HTR2C: variants seen among roughly 807,000 people sequenced by gnomAD.
The protein encoded by HTR2C is 5-hydroxytryptamine receptor 2C.
In HTR2C, 5 loss-of-function variants were observed where a neutral mutation model predicts 21.0. That is an observed-to-expected ratio of 0.24 (90% confidence interval 0.12 to 0.50). HTR2C has a LOEUF of 0.50. Ranked by LOEUF, HTR2C falls within the 20% of genes least tolerant of loss-of-function variation. The pLI is 0.98. For missense variants in HTR2C, 271 were observed against 371.2 expected (o/e 0.73, Z 2.22); for synonymous variants, 150 against 145.3 (o/e 1.03, Z -0.23).
At chrX:114,607,292 AAC>A (rs1246557167) in intron 1 of HTR2C, among the ~76,000 whole-genome samples, 1 of 112,010 alleles carries the variant, frequency 8.9e-6, no homozygotes, top group African/African-American at 3.3e-5. Context: ...TGAAATATCA[AAC>A]ACAATGTTTG....
intron 4 of HTR2C, among the ~76,000 whole-genome samples, chrX:114,795,336 T>A (rs1446099246): frequency 9.0e-6 from 1 of 110,994 alleles, no homozygotes; most frequent in Non-Finnish European, 1.9e-5. Flanking sequence ...CTGATGGTAG[T>A]TTCTTTTGCT....
intron 4 of HTR2C, among the ~76,000 whole-genome samples, chrX:114,759,268 C>T (rs2069842872): frequency 9.0e-6 from 1 of 110,965 alleles, no homozygotes; most frequent in Admixed American, 9.7e-5. Context: ...CCATCTCAAC[C>T]ATCCTCCTTT....
chrX:114,685,936 G>A (rs1385643475), intron 2 of HTR2C, among the ~76,000 whole-genome samples: 1 of 111,018 alleles, frequency 9.0e-6, no homozygotes, highest in African/African-American at 3.3e-5. Context: ...TTTCAGTGAA[G>A]CTTTCATCAT....
At chrX:114,810,318 C>T (rs2070519063) in intron 4 of HTR2C, among the ~76,000 whole-genome samples, 2 of 111,616 alleles carry the variant, frequency 1.8e-5, no homozygotes, top group Non-Finnish European at 3.8e-5. Flanking sequence ...CCCAAGTGCA[C>T]TGGCTCCAAG....
chrX:114,850,183 C>T (rs981187882), intron 5 of HTR2C, among the ~76,000 whole-genome samples: 2 of 110,862 alleles, frequency 1.8e-5, no homozygotes, highest in Admixed American at 9.7e-5. Context: ...CCGATGCAGG[C>T]GGATCACTTG....
chrX:114,748,814 T>C (rs1404221222), intron 4 of HTR2C, among the ~76,000 whole-genome samples: 1 of 111,700 alleles, frequency 9.0e-6, no homozygotes, highest in Admixed American at 9.5e-5. Flanking sequence ...TTTAATGATA[T>C]TGGGTTAGGC....
At position 114,761,859 on chromosome X, in the gene HTR2C, CTA is replaced by C. The variant is rs201251182; in HGVS notation, c.349+30254_349+30255del. ...CACCCTCCCCCCAAAAGATTACTCT[CTA>C]TCTCTCTCTCTCTATATATATATAT... On this transcript the variant is annotated intron_variant, in intron 4 of 5. Transcript: ENST00000276198. 2.0e-3 allele frequency among the ~76,000 whole-genome samples: 113 copies of C among 55,533 alleles called. 2 individuals carry two copies. Among genetic ancestry groups the C allele is most frequent in the African/African-American group, 6.1e-3 (101 of 16,513 alleles). 48.2% of individuals were successfully genotyped at this position (55,533 alleles called of 115,157 possible).
chrX:114,677,123 G>T (rs1347959688), intron 2 of HTR2C, among the ~76,000 whole-genome samples: 1 of 111,879 alleles, frequency 8.9e-6, no homozygotes, highest in African/African-American at 3.2e-5. Flanking sequence ...GGGGAAATGA[G>T]AAGTAGGTTG....
chrX:114,726,921 T>C lies in HTR2C; in HGVS notation c.-16T>C. 8.9e-7 allele frequency: 1 copy of C among 1,118,165 alleles called. No homozygotes were observed. Among genetic ancestry groups the C allele is most frequent in the Non-Finnish European group, 1.2e-6 (1 of 836,887 alleles). 92.1% of individuals were successfully genotyped at this position (1,118,165 alleles called of 1,213,427 possible). ...TTCTCAATTTTAAACTTTGGTTGCT[T>C]AAGACTGAAGCAATCATGGTGAACC... On this transcript the variant is annotated 5_prime_UTR_variant, in exon 3 of 6. Coordinates refer to ENST00000276198, the MANE Select transcript of HTR2C (RefSeq NM_000868.4).
At chrX:114,752,093 C>G (rs895130737) in intron 4 of HTR2C, among the ~76,000 whole-genome samples, 4 of 111,793 alleles carry the variant, frequency 3.6e-5, no homozygotes, top group Non-Finnish European at 3.8e-5. Flanking sequence ...TGAGCATACA[C>G]CATTAAATTT....
chrX:114,593,738 G>A (rs944703794), intron 1 of HTR2C, among the ~76,000 whole-genome samples: 1 of 111,105 alleles, frequency 9.0e-6, no homozygotes, highest in Non-Finnish European at 1.9e-5. Context: ...GTCCTCCTCC[G>A]CCAAAAGAGA....
At chrX:114,595,505 G>A (rs1040999294) in intron 1 of HTR2C, among the ~76,000 whole-genome samples, 23 of 110,113 alleles carry the variant, frequency 2.1e-4, no homozygotes, top group African/African-American at 6.9e-4. Flanking sequence ...TTGCAAGCAC[G>A]AACCACCATG....
At chrX:114,640,939 CTTCT>C (rs1275007870) in intron 2 of HTR2C, among the ~76,000 whole-genome samples, 15 of 13,516 alleles carry the variant, frequency 1.1e-3, no homozygotes, top group Non-Finnish European at 1.3e-3. Flanking sequence ...CCCCTCCCTC[CTTCT>C]TTCTTTCTTT....
chrX:114,733,538 C>T (rs1158965226), intron 4 of HTR2C, among the ~76,000 whole-genome samples: 1 of 108,428 alleles, frequency 9.2e-6, no homozygotes, highest in Non-Finnish European at 1.9e-5. Context: ...AAGAAAGCAG[C>T]CTTGGAAAAT....
At chrX:114,742,168 A>G (rs1358764338) in intron 4 of HTR2C, among the ~76,000 whole-genome samples, 1 of 111,652 alleles carries the variant, frequency 9.0e-6, no homozygotes, top group Non-Finnish European at 1.9e-5. Flanking sequence ...GCAGACCAGA[A>G]AAAGAGGACT....
chrX:114,589,615 A>T, intron 1 of HTR2C: 1 of 176,290 alleles, frequency 5.7e-6, no homozygotes. Context: ...AGTGCTCCCG[A>T]AAACATGGTG....
chrX:114,850,048 A>G (rs1269037222), intron 5 of HTR2C, among the ~76,000 whole-genome samples: 4 of 111,982 alleles, frequency 3.6e-5, no homozygotes, highest in Non-Finnish European at 7.5e-5. Context: ...TCAGCAAGAA[A>G]CTGCAAACTA....
intron 2 of HTR2C, among the ~76,000 whole-genome samples, chrX:114,614,256 T>TTTTTG (rs1276628003): frequency 1.5e-4 from 16 of 110,328 alleles, no homozygotes; most frequent in Non-Finnish European, 2.8e-4. Context: ...TTTTTTTGTT[T>TTTTTG]TTTTGTTTTG....
chrX:114,649,944 A>G (rs1602663044), intron 2 of HTR2C, among the ~76,000 whole-genome samples: 1 of 111,611 alleles, frequency 9.0e-6, no homozygotes, highest in East Asian at 2.8e-4. Flanking sequence ...TTTGTGTAGC[A>G]TCACCATTCA....
Sources: allele counts gnomAD v4.1 joint callset (sites outside exome capture counted in the v4.1 genomes callset), GRCh38; gene constraint gnomAD v4.1.1; transcripts MANE v1.5; gene names NCBI Gene and HGNC (gene_info 2026-07-23, HGNC 2026-07-21).